The following KCNAB1 variants were observed in gnomAD, a reference collection of about 807,000 sequenced individuals.
The protein encoded by KCNAB1 is potassium voltage-gated channel subfamily A regulatory beta subunit 1.
In KCNAB1, 35 loss-of-function variants were observed where a neutral mutation model predicts 64.6. The observed-to-expected ratio is 0.54, with a 90% CI of 0.41 to 0.72. The LOEUF (loss-of-function observed/expected upper bound fraction) is 0.72. Ranked by LOEUF, KCNAB1 falls within the 30% of genes least tolerant of loss-of-function variation. The probability of loss-of-function intolerance (pLI) is 0.00; values close to 1 mark genes in which losing one functional copy is unlikely to be tolerated. For missense variants in KCNAB1, 401 were observed against 512.9 expected (o/e 0.78, Z 2.11); for synonymous variants, 177 against 183.8 (o/e 0.96, Z 0.30).
chr3:156,309,743 G>A (rs1165671627), intron 1 of KCNAB1, among the ~76,000 whole-genome samples: 1 of 152,234 alleles, frequency 6.6e-6, no homozygotes, highest in Non-Finnish European at 1.5e-5. Flanking sequence ...GAAAGGAGTG[G>A]TGTAAAGGCT....
At chr3:156,266,854 T>G (rs1415839569) in intron 1 of KCNAB1, among the ~76,000 whole-genome samples, 1 of 152,186 alleles carries the variant, frequency 6.6e-6, no homozygotes, top group Non-Finnish European at 1.5e-5. Flanking sequence ...AAACTGAGTC[T>G]GCCCAGTGAA....
chr3:156,439,956 G>T (rs1716878166), intron 2 of KCNAB1, among the ~76,000 whole-genome samples: 1 of 152,164 alleles, frequency 6.6e-6, no homozygotes, highest in African/African-American at 2.4e-5. Flanking sequence ...GGCCAGGAAT[G>T]GATTCATTTA....
chr3:156,461,745 C>G (rs1250321194), intron 5 of KCNAB1, among the ~76,000 whole-genome samples: 1 of 152,182 alleles, frequency 6.6e-6, no homozygotes, highest in East Asian at 1.9e-4. Context: ...AGCTGCAGAA[C>G]CTATTTTATA....
At chr3:156,156,213 C>A (rs1167097775) in intron 1 of KCNAB1, among the ~76,000 whole-genome samples, 1 of 152,084 alleles carries the variant, frequency 6.6e-6, no homozygotes, top group Non-Finnish European at 1.5e-5. Flanking sequence ...GGTTAACTCC[C>A]AGGAGTTGGG....
rs1473342665 is a variant in KCNAB1 at position 156,357,857 on chromosome 3, T to G, written c.276-63759T>G. 2.8e-5 allele frequency among the ~76,000 whole-genome samples: 4 copies of G among 143,846 alleles called. No individual in the cohort carries two copies. In the East Asian group the frequency reaches 7.7e-4, roughly 28 times the overall value. 94.4% of individuals were successfully genotyped at this position (143,846 alleles called of 152,430 possible). A position where few individuals can be genotyped will look rare whatever the true frequency, so the allele number is the denominator to read the frequency against. Reference sequence around the variant, plus strand: ...AATACTATAGTTTTTATACTAAATCTTCAAAATCTGGTATTTTGTACCTAA... The same window carrying G: ...AATACTATAGTTTTTATACTAAATCGTCAAAATCTGGTATTTTGTACCTAA... On this transcript the variant is annotated intron_variant, in intron 1 of 13. Transcript: ENST00000490337.
intron 1 of KCNAB1, chr3:156,273,493 C>G (rs1218408525): frequency 4.6e-6 from 2 of 431,098 alleles, no homozygotes; most frequent in Admixed American, 2.4e-5. Context: ...GCTGTGACAG[C>G]ACAGCACTGG....
chr3:156,147,015 G>C (rs1324246013), intron 1 of KCNAB1, among the ~76,000 whole-genome samples: 2 of 152,110 alleles, frequency 1.3e-5, no homozygotes, highest in African/African-American at 4.8e-5. Flanking sequence ...ATATAATTGA[G>C]AAAGATAAAA....
chr3:156,161,196 G>A (rs1716054898), intron 1 of KCNAB1, among the ~76,000 whole-genome samples: 1 of 152,074 alleles, frequency 6.6e-6, no homozygotes, highest in Non-Finnish European at 1.5e-5. Flanking sequence ...GGCTGTCTGT[G>A]TCTGCCCTTT....
chr3:156,524,712 A>C (rs1457488024), intron 12 of KCNAB1, among the ~76,000 whole-genome samples: 1 of 129,096 alleles, frequency 7.7e-6, no homozygotes, highest in Non-Finnish European at 1.5e-5. Context: ...GCGTCACTGC[A>C]CTCCAGCCTG....
At chr3:156,433,497 G>C (rs151287354) in intron 2 of KCNAB1, among the ~76,000 whole-genome samples, 1 of 152,168 alleles carries the variant, frequency 6.6e-6, no homozygotes, top group African/African-American at 2.4e-5. Context: ...CCTGGAGGAA[G>C]AGTAGTAAAG....
At chr3:156,231,684 A>T (rs564876076) in intron 1 of KCNAB1, among the ~76,000 whole-genome samples, 1 of 151,884 alleles carries the variant, frequency 6.6e-6, no homozygotes, top group Admixed American at 6.6e-5. Context: ...TGCACAATAA[A>T]ACTTGGTCTT....
intron 1 of KCNAB1, among the ~76,000 whole-genome samples, chr3:156,231,237 G>T (rs752155229): frequency 6.6e-6 from 1 of 151,766 alleles, no homozygotes; most frequent in African/African-American, 2.4e-5. Flanking sequence ...TTTTTATTTT[G>T]CCCAAACTTC....
At chr3:156,125,662 C>T (rs1043572271) in intron 1 of KCNAB1, among the ~76,000 whole-genome samples, 5 of 152,140 alleles carry the variant, frequency 3.3e-5, no homozygotes, top group African/African-American at 7.2e-5. Flanking sequence ...TACTGAGACT[C>T]GCTCCTAATA....
chr3:156,319,599 T>C (rs573681892), intron 1 of KCNAB1, among the ~76,000 whole-genome samples: 1 of 152,196 alleles, frequency 6.6e-6, no homozygotes, highest in Non-Finnish European at 1.5e-5. Context: ...TGCTGTTGAT[T>C]ACCACACACA....
intron 1 of KCNAB1, among the ~76,000 whole-genome samples, chr3:156,166,352 A>G (rs961464905): frequency 6.6e-6 from 1 of 152,206 alleles, no homozygotes; most frequent in Non-Finnish European, 1.5e-5. Context: ...TATCTTTGAA[A>G]AGGAACAGGG....
Position 156,517,696 on chromosome 3 carries a change from G to T in KCNAB1, c.960+1332G>T, listed in dbSNP as rs142410400. 1.6e-4 allele frequency among the ~76,000 whole-genome samples: 24 copies of T among 152,310 alleles called. No individual in the cohort carries two copies. In the East Asian group the frequency reaches 4.2e-3, roughly 27 times the overall value. ...CAACTTTTATTCTCACAAACAGAAT[G>T]GATACAGGTGACTTTTAGTCAGTTG... On this transcript the variant is annotated intron_variant, in intron 11 of 13. Transcript: ENST00000490337.
At chr3:156,321,196 A>G (rs144511861) in intron 1 of KCNAB1, among the ~76,000 whole-genome samples, 1 of 152,240 alleles carries the variant, frequency 6.6e-6, no homozygotes, top group East Asian at 1.9e-4. Context: ...CTTTAGAGCA[A>G]ATGTTTCTGT....
At chr3:156,437,180 A>C (rs1050671807) in intron 2 of KCNAB1, among the ~76,000 whole-genome samples, 1 of 152,170 alleles carries the variant, frequency 6.6e-6, no homozygotes, top group African/African-American at 2.4e-5. Flanking sequence ...TCTTTTATTC[A>C]GGGGGATTAG....
At chr3:156,327,883 C>T (rs1359312119) in intron 1 of KCNAB1, among the ~76,000 whole-genome samples, 1 of 152,136 alleles carries the variant, frequency 6.6e-6, no homozygotes, top group Non-Finnish European at 1.5e-5. Flanking sequence ...TCTACCATAG[C>T]TTTCGTGTCT....
Sources: allele counts gnomAD v4.1 joint callset (sites outside exome capture counted in the v4.1 genomes callset), GRCh38; gene constraint gnomAD v4.1.1; transcripts MANE v1.5; gene names NCBI Gene and HGNC (gene_info 2026-07-23, HGNC 2026-07-21).